The following RBFOX1 variants were observed in gnomAD, a reference collection of about 807,000 sequenced individuals.
RBFOX1 encodes the protein RNA binding fox-1 homolog 1.
RBFOX1 carries 8 observed loss-of-function variants against 57.7 expected under a neutral mutation model. The observed-to-expected ratio is 0.14, with a 90% CI of 0.08 to 0.25. The LOEUF (loss-of-function observed/expected upper bound fraction) is 0.25. Among genes scored for constraint, RBFOX1 ranks in the 10% least tolerant of loss-of-function variants. The pLI is 1.00. For synonymous variants in RBFOX1, 326 were observed against 222.4 expected, an observed-to-expected ratio of 1.47 and a Z score of -4.15; for missense variants, 611 against 548.5, an observed-to-expected ratio of 1.11 and a Z score of -1.14.
chr16:7,575,242 C>T (rs1290477923), intron 5 of RBFOX1, among the ~76,000 whole-genome samples: 1 of 152,026 alleles, frequency 6.6e-6, no homozygotes, highest in South Asian at 2.1e-4. Context: ...TCAAGCGATT[C>T]TCCTGCCTCA....
rs1220117729 is a variant in RBFOX1 at position 7,601,664 on chromosome 16, TC to T, written c.622+4234del. On this transcript the variant is annotated intron_variant, in intron 9 of 15. Coordinates refer to ENST00000550418, the MANE Select transcript of RBFOX1 (RefSeq NM_018723.4). ...ACCACCACGAATTAACAATAAAAGATCTCAAACATTTAATCTCCCTATCAGT... is the reference window on the plus strand; with the variant it reads ...ACCACCACGAATTAACAATAAAAGATTCAAACATTTAATCTCCCTATCAGT... 5.9e-5 allele frequency among the ~76,000 whole-genome samples: 9 copies of T among 152,244 alleles called. No individual in the cohort carries two copies. In the South Asian group the frequency reaches 6.2e-4, roughly 11 times the overall value.
intron 4 of RBFOX1, among the ~76,000 whole-genome samples, chr16:5,969,477 A>AT (rs34622040): frequency 0.23 from 27,277 of 116,942 alleles, 3,769 homozygotes; most frequent in African/African-American, 0.36. Context: ...ACGCCTGGCT[A>AT]TTTTTTTTTT....
intron 4 of RBFOX1, among the ~76,000 whole-genome samples, chr16:7,056,392 C>G (rs528189727): frequency 1.3e-5 from 2 of 152,182 alleles, no homozygotes. Flanking sequence ...CTTCTGGGGA[C>G]ATGGTCAGAG....
intron 1 of RBFOX1, among the ~76,000 whole-genome samples, chr16:6,080,740 G>T (rs2095988665): frequency 6.6e-6 from 1 of 152,140 alleles, no homozygotes. Context: ...TTAAAAGAAT[G>T]CCACATTTTT....
intron 4 of RBFOX1, among the ~76,000 whole-genome samples, chr16:7,134,675 A>G (rs1031372966): frequency 9.2e-5 from 14 of 152,226 alleles, no homozygotes; most frequent in African/African-American, 3.1e-4. Context: ...ATTCACATCA[A>G]CAGAGGCTAC....
At position 5,582,547 on chromosome 16, in the gene RBFOX1, CTTTTTTTT is replaced by C. The variant is rs57853959; in HGVS notation, c.259-16337_259-16330del. On this transcript the variant is annotated intron_variant, in intron 2 of 2. Coordinates refer to the RBFOX1 transcript ENST00000585867. ...ACCCAGGCATTTTCAAAGCACGTCA[CTTTTTTTT>C]TTTTTTTTTTTTTTTTTAAACGGAG... 1.3e-3 allele frequency among the ~76,000 whole-genome samples: 118 copies of C among 92,858 alleles called. 1 individual carries two copies. The highest frequency in any genetic ancestry group is 4.1e-3 in the East Asian group (11 of 2,680). 60.9% of individuals were successfully genotyped at this position (92,858 alleles called of 152,430 possible).
chr16:5,963,731 A>G (rs575857572), intron 4 of RBFOX1, among the ~76,000 whole-genome samples: 3 of 152,300 alleles, frequency 2.0e-5, no homozygotes, highest in South Asian at 2.1e-4. Context: ...TTAGATCCTT[A>G]TCTTATACTA....
At chr16:5,341,031 G>A (rs895373300) in intron 1 of RBFOX1, among the ~76,000 whole-genome samples, 1 of 152,166 alleles carries the variant, frequency 6.6e-6, no homozygotes, top group Non-Finnish European at 1.5e-5. Context: ...ACCTGTGGAT[G>A]CCTAGGAAGA....
intron 2 of RBFOX1, among the ~76,000 whole-genome samples, chr16:6,468,990 T>G (rs1022069785): frequency 6.6e-5 from 10 of 152,022 alleles, no homozygotes; most frequent in Admixed American, 5.9e-4. Context: ...TTCCCTACCT[T>G]TTCTTAGGAA....
chr16:7,478,656 C>T (rs1221866097), intron 4 of RBFOX1, among the ~76,000 whole-genome samples: 1 of 152,168 alleles, frequency 6.6e-6, no homozygotes, highest in Admixed American at 6.5e-5. Flanking sequence ...GCCACTTTTG[C>T]CAGCTTTCCG....
chr16:6,741,366 A>G (rs1414106138), intron 3 of RBFOX1, among the ~76,000 whole-genome samples: 1 of 152,082 alleles, frequency 6.6e-6, no homozygotes, highest in Admixed American at 6.6e-5. Context: ...GATAAATTAG[A>G]CTTCATCAAA....
chr16:7,384,751 A>G (rs1368531055), intron 4 of RBFOX1, among the ~76,000 whole-genome samples: 3 of 152,242 alleles, frequency 2.0e-5, no homozygotes, highest in South Asian at 2.1e-4. Context: ...CATTCACTCA[A>G]CAAATATTTA....
In RBFOX1 at chr16:5,551,716, G is replaced by A. The variant is rs192575361; in HGVS notation, c.259-47186G>A. Among the ~76,000 whole-genome samples, 16 of 152,106 alleles carry A rather than the reference G, an allele frequency of 1.1e-4. 1 individual carries two copies. Among genetic ancestry groups the A allele is most frequent in the Non-Finnish European group, 1.9e-4 (13 of 68,004 alleles). ...TATACATGTGCCATGGTAGTTTGCCGCACCTATGAGCCTATCATCTGGATT... is the reference window on the plus strand; with the variant it reads ...TATACATGTGCCATGGTAGTTTGCCACACCTATGAGCCTATCATCTGGATT... On this transcript the variant is annotated intron_variant, in intron 2 of 2. Coordinates refer to the RBFOX1 transcript ENST00000585867.
intron 3 of RBFOX1, among the ~76,000 whole-genome samples, chr16:5,828,889 C>T (rs1314811246): frequency 6.6e-6 from 1 of 152,106 alleles, no homozygotes; most frequent in Non-Finnish European, 1.5e-5. Context: ...AAGTGAGTAA[C>T]TTAAAACAAC....
At chr16:6,818,547 A>T (rs921049360) in intron 3 of RBFOX1, among the ~76,000 whole-genome samples, 4 of 152,092 alleles carry the variant, frequency 2.6e-5, no homozygotes, top group African/African-American at 7.2e-5. Flanking sequence ...TAAGATTTAA[A>T]CTCTAGTTCC....
intron 4 of RBFOX1, among the ~76,000 whole-genome samples, chr16:7,477,015 C>G (rs1283295762): frequency 2.6e-5 from 4 of 152,098 alleles, no homozygotes; most frequent in East Asian, 1.9e-4. Flanking sequence ...GGAAGTGTAC[C>G]TAACACTTGC....
At chr16:6,717,991 C>T (rs528202081) in intron 3 of RBFOX1, among the ~76,000 whole-genome samples, 31 of 152,214 alleles carry the variant, frequency 2.0e-4, no homozygotes, top group Non-Finnish European at 7.4e-5. Flanking sequence ...TCCCCTGCAC[C>T]ATTTTCTACC....
chr16:7,519,860 G>A (rs886818757), intron 5 of RBFOX1: 3 of 421,990 alleles, frequency 7.1e-6, no homozygotes, highest in African/African-American at 6.5e-5. Flanking sequence ...TTCATTTGGA[G>A]GCTAGTTTTG....
chr16:5,694,475 C>T (rs1015410920), intron 3 of RBFOX1, among the ~76,000 whole-genome samples: 3 of 152,114 alleles, frequency 2.0e-5, no homozygotes, highest in Non-Finnish European at 4.4e-5. Context: ...TCTATGAAAT[C>T]GGTAGGCATT....
Sources: allele counts gnomAD v4.1 joint callset (sites outside exome capture counted in the v4.1 genomes callset), GRCh38; gene constraint gnomAD v4.1.1; transcripts MANE v1.5; gene names NCBI Gene and HGNC (gene_info 2026-07-23, HGNC 2026-07-21).